Variants in IQCH observed in about 807,000 individuals in gnomAD.
The protein encoded by IQCH is IQ motif containing H, also known as IQ domain-containing protein H.
IQCH carries 98 observed loss-of-function variants against 117.0 expected under a neutral mutation model. The ratio of observed to expected loss-of-function variants is 0.84; its 90% CI spans 0.71 to 0.99. The LOEUF is 0.99. Among genes scored for constraint, IQCH ranks in the 50% least tolerant of loss-of-function variants. The pLI, the probability that IQCH is intolerant of heterozygous loss-of-function variation, is 0.00. For missense variants in IQCH, 1,102 were observed against 1,243.8 expected (o/e 0.89, Z 1.72); for synonymous variants, 412 against 448.2 (o/e 0.92, Z 1.02).
At chr15:67,352,929 C>T (rs943942358) in intron 6 of IQCH, among the ~76,000 whole-genome samples, 1 of 151,960 alleles carries the variant, frequency 6.6e-6, no homozygotes, top group African/African-American at 2.4e-5. Context: ...GGGTGGATCA[C>T]GAGGTCAAGT....
chr15:67,471,353 T>C (rs1053309474), intron 17 of IQCH, among the ~76,000 whole-genome samples: 20 of 152,250 alleles, frequency 1.3e-4, no homozygotes, highest in Admixed American at 3.3e-4. Flanking sequence ...CAGAAGAGAC[T>C]AGTTTTTACA....
chr15:67,359,203 A>G lies in IQCH; in HGVS notation c.715-644A>G, dbSNP rs1306334952. ...TAACAGATCTACAGGTAATACAAAT[A>G]TTATGACTAGGTTTTAGCCAGTAAA... is the stretch of plus-strand genomic sequence containing the variant. On this transcript the variant is annotated intron_variant, in intron 7 of 20. Coordinates refer to ENST00000335894, the MANE Select transcript of IQCH (RefSeq NM_001031715.3). The surrounding 1 kb of genome is among the most constrained non-coding windows in gnomAD (Gnocchi z 4.5). Among the ~76,000 whole-genome samples, 2 of 152,232 alleles carry G rather than the reference A, an allele frequency of 1.3e-5. No individual in the cohort carries two copies. The highest frequency in any genetic ancestry group is 2.4e-5 in the African/African-American group (1 of 41,466).
In IQCH at chr15:67,443,174, A is replaced by T. The variant is rs1032602314; in HGVS notation, c.2505+21597A>T. 3.9e-5 allele frequency among the ~76,000 whole-genome samples: 6 copies of T among 152,082 alleles called. No homozygotes were observed. The highest frequency in any genetic ancestry group is 1.4e-4 in the African/African-American group (6 of 41,384). On this transcript the variant is annotated intron_variant, in intron 16 of 20. Coordinates refer to ENST00000335894, the MANE Select transcript of IQCH (RefSeq NM_001031715.3). The surrounding 1 kb of genome is among the most constrained non-coding windows in gnomAD (Gnocchi z 5.0). ...CGCCCGGCTAATTTTTTGTATTTTT[A>T]GTAGAGACGGGGTTTCACCGTGTTA...
chr15:67,311,184 T>C (rs900943776), intron 4 of IQCH, among the ~76,000 whole-genome samples: 2 of 152,214 alleles, frequency 1.3e-5, no homozygotes, highest in African/African-American at 2.4e-5. Context: ...TATCCCCCAA[T>C]TGACTACTTA....
In IQCH at chr15:67,494,270, G is replaced by T. The variant is rs1192820122; in HGVS notation, c.2874G>T (p.Glu958Asp). 8.1e-6 allele frequency: 13 copies of T among 1,608,068 alleles called. No homozygotes were observed. The highest frequency in any genetic ancestry group is 1.0e-5 in the Non-Finnish European group (12 of 1,178,468). ...RHKLGMLTIGEDLQGVLMTFA... is the reference protein window; with the variant it reads ...RHKLGMLTIGDDLQGVLMTFA... ...ATATCATTAACAGAACAATCGGCGA[G>T]GATCTCCAGGGGGTCCTCATGACCT... Residue 958 changes from glutamate (E) to aspartate (D), a missense_variant, in exon 20 of 21, where the codon GAG becomes GAT. Around this residue, in one of 2 missense-constraint regions of IQCH, gnomAD observed 650 missense variants for 794.3 expected, o/e 0.82. Coordinates refer to ENST00000335894, the MANE Select transcript of IQCH (RefSeq NM_001031715.3). The surrounding 1 kb of genome is among the most constrained non-coding windows in gnomAD (Gnocchi z 5.5).
At chr15:67,478,708 G>A (rs1197151238) in intron 18 of IQCH, among the ~76,000 whole-genome samples, 2 of 152,028 alleles carry the variant, frequency 1.3e-5, no homozygotes, top group African/African-American at 4.8e-5. Flanking sequence ...GGCAGATCAC[G>A]AGGTCAGGAG....
chr15:67,337,952 T>C (rs1968967746), intron 5 of IQCH, among the ~76,000 whole-genome samples: 1 of 152,202 alleles, frequency 6.6e-6, no homozygotes, highest in Non-Finnish European at 1.5e-5. Context: ...CTGCTGGTGG[T>C]AGATAACCTG....
At chr15:67,449,605 C>T (rs1363848895) in intron 16 of IQCH, among the ~76,000 whole-genome samples, 1 of 152,118 alleles carries the variant, frequency 6.6e-6, no homozygotes, top group Non-Finnish European at 1.5e-5. Context: ...GGTAGCAGTA[C>T]CATGCTGTTT....
intron 5 of IQCH, 143 bp downstream of exon 5, chr15:67,337,238 C>G: frequency 1.3e-6 from 1 of 756,280 alleles, no homozygotes; most frequent in South Asian, 2.0e-5. Context: ...TCACTCTGGT[C>G]TGAGTTTCCT....
chr15:67,440,432 C>G (rs1233275850), intron 16 of IQCH, among the ~76,000 whole-genome samples: 1 of 152,116 alleles, frequency 6.6e-6, no homozygotes, highest in Non-Finnish European at 1.5e-5. Context: ...AAACTACAAA[C>G]CAATATCCTT....
At chr15:67,312,942 C>T (rs1596158035) in intron 4 of IQCH, among the ~76,000 whole-genome samples, 2 of 152,124 alleles carry the variant, frequency 1.3e-5, no homozygotes, top group East Asian at 1.9e-4. Context: ...CTTTTAAAAC[C>T]TCCTTGGTAG....
At position 67,307,146 on chromosome 15, in the gene IQCH, C is replaced by T. The variant is rs1425689548; in HGVS notation, c.387+27634C>T. The T allele has an allele frequency of 5.7e-6, 6 of 1,060,758 alleles. No individual in the cohort carries two copies. The East Asian group carries it at 3.2e-4, about 57-fold the overall frequency. The allele number at this position is 1,060,758 out of a possible 1,614,324, so 65.7% of individuals were successfully genotyped here. On this transcript the variant is annotated intron_variant, in intron 4 of 20. Transcript: ENST00000335894. ...ATCATAAAAACATTTTTCTTTTTGG[C>T]AAGATGTGAGTTGCTGTAGAATTAT...
At chr15:67,484,089 C>G (rs1016799468) in intron 18 of IQCH, among the ~76,000 whole-genome samples, 1 of 149,106 alleles carries the variant, frequency 6.7e-6, no homozygotes, top group Non-Finnish European at 1.5e-5. Context: ...TTAAATAGAC[C>G]AGGTCCAGCA....
chr15:67,500,579 G>A lies in IQCH; in HGVS notation c.2971-54G>A, dbSNP rs2083952635. ...AACTCCCAAAAGGACCAGATGCTTGGGGGAGAGGGATTGTAAGAGGTCTTT... is the reference window on the plus strand; with the variant it reads ...AACTCCCAAAAGGACCAGATGCTTGAGGGAGAGGGATTGTAAGAGGTCTTT... On this transcript the variant is annotated intron_variant, in intron 20 of 20. Coordinates refer to ENST00000335894, the MANE Select transcript of IQCH (RefSeq NM_001031715.3). This position sits in a 1 kb window ranked among gnomAD's most constrained non-coding sequence, Gnocchi z 4.4. 1.1e-6 allele frequency: 1 copy of A among 874,002 alleles called. No homozygotes were observed. The highest frequency in any genetic ancestry group is 2.5e-5 in the East Asian group (1 of 40,370). 54.1% of individuals were successfully genotyped at this position (874,002 alleles called of 1,614,324 possible).
chr15:67,266,138 T>C (rs892912607), intron 3 of IQCH, among the ~76,000 whole-genome samples: 2 of 150,314 alleles, frequency 1.3e-5, no homozygotes, highest in African/African-American at 2.4e-5. Flanking sequence ...TAATTATTTA[T>C]AAATTATATA....
At chr15:67,328,518 A>G (rs1022761408) in intron 4 of IQCH, among the ~76,000 whole-genome samples, 1 of 152,190 alleles carries the variant, frequency 6.6e-6, no homozygotes, top group Non-Finnish European at 1.5e-5. Flanking sequence ...GAGGAAGAAG[A>G]GATCAGAAGT....
Position 67,307,211 on chromosome 15 carries a change from T to A in IQCH, c.387+27699T>A, listed in dbSNP as rs954874244. Reference sequence around the variant, plus strand: ...TCTACTTTCCAAATAAATATATATATAATGCAATGTAAACTTAGAATCTTT... The same window carrying A: ...TCTACTTTCCAAATAAATATATATAAAATGCAATGTAAACTTAGAATCTTT... On this transcript the variant is annotated intron_variant, in intron 4 of 20. Transcript: ENST00000335894. 5 of 812,360 alleles carry A rather than the reference T, an allele frequency of 6.2e-6. No individual in the cohort carries two copies. In the African/African-American group the frequency reaches 9.3e-5, roughly 15 times the overall value. 50.3% of individuals were successfully genotyped at this position (812,360 alleles called of 1,614,324 possible).
At position 67,387,966 on chromosome 15, in the gene IQCH, G is replaced by C. The variant is rs1234161237; in HGVS notation, c.1457-865G>C. Among the ~76,000 whole-genome samples, 3 of 152,090 alleles carry C rather than the reference G, an allele frequency of 2.0e-5. No individual in the cohort carries two copies. The highest frequency in any genetic ancestry group is 2.0e-4 in the Admixed American group (3 of 15,262). On this transcript the variant is annotated intron_variant, in intron 11 of 20. Transcript: ENST00000335894. This position sits in a 1 kb window ranked among gnomAD's most constrained non-coding sequence, Gnocchi z 4.8. ...AAGTACCTGGTCTGCATGCTTCATCGTGCCCACAATGATTACTGTATTTCC... is the reference window on the plus strand; with the variant it reads ...AAGTACCTGGTCTGCATGCTTCATCCTGCCCACAATGATTACTGTATTTCC...
At chr15:67,495,529 T>C (rs1270346032) in intron 20 of IQCH, among the ~76,000 whole-genome samples, 3 of 152,206 alleles carry the variant, frequency 2.0e-5, no homozygotes, top group East Asian at 1.9e-4. Flanking sequence ...TCCTGCTAGC[T>C]AGTAGCATCA....
Sources: allele counts gnomAD v4.1 joint callset (sites outside exome capture counted in the v4.1 genomes callset), GRCh38; gene constraint gnomAD v4.1.1; regional missense constraint gnomAD v4.1.1; non-coding constraint Gnocchi (gnomAD v3.1); transcripts MANE v1.5; gene names NCBI Gene and HGNC (gene_info 2026-07-23, HGNC 2026-07-21).